Variants in TBC1D4 observed in about 807,000 individuals in gnomAD.
The protein encoded by TBC1D4 is TBC1 domain family member 4.
In TBC1D4, 121 loss-of-function variants were observed where a neutral mutation model predicts 142.5. That is an observed-to-expected ratio of 0.85 (90% confidence interval 0.73 to 0.99). TBC1D4 has a LOEUF of 0.99. Among genes scored for constraint, TBC1D4 ranks in the 50% least tolerant of loss-of-function variants. The pLI is 0.00. For synonymous variants in TBC1D4, 630 were observed against 628.2 expected (o/e 1.00, Z -0.04); for missense variants, 1,475 against 1,606.6 (o/e 0.92, Z 1.40).
chr13:75,481,216 T>TCCCCCAAA, intron 1 of TBC1D4, 54 bp downstream of exon 1: 1 of 772,284 alleles, frequency 1.3e-6, no homozygotes, highest in Non-Finnish European at 2.1e-6. Context: ...CCCGCCCTGC[T>TCCCCCAAA]CCCCGATCCC....
intron 1 of TBC1D4, among the ~76,000 whole-genome samples, chr13:75,412,196 T>C (rs1885702729): frequency 6.6e-6 from 1 of 152,210 alleles, no homozygotes; most frequent in Admixed American, 6.5e-5. Context: ...AACACACATC[T>C]GAATGATAAT....
intron 1 of TBC1D4, among the ~76,000 whole-genome samples, chr13:75,377,652 A>ATT (rs1197249440): frequency 6.7e-6 from 1 of 149,000 alleles, no homozygotes; most frequent in Non-Finnish European, 1.5e-5. Flanking sequence ...AAAAATATAT[A>ATT]TTATATATAT....
chr13:75,471,075 T>C (rs1384706250), intron 1 of TBC1D4, among the ~76,000 whole-genome samples: 1 of 151,848 alleles, frequency 6.6e-6, no homozygotes, highest in Non-Finnish European at 1.5e-5. Context: ...TCTAAAGAAG[T>C]CCTTTACTTT....
Position 75,310,106 on chromosome 13 carries a change from G to A in TBC1D4, c.2429C>T (p.Pro810Leu). ...NELLPLSPLS[P>L]TMEEEPLVVF... ...AACCAGCGGTTCCTCCTCCATGGTT[G>A]GAGAGAGGGGGGACAGTGGCAGCAG... Residue 810 changes from proline to leucine, a missense_variant, in exon 14 of 21, where the codon CCA becomes CTA. Pro to Leu is a moderately conservative substitution (Grantham distance 98). Around this residue, in one of 2 missense-constraint regions of TBC1D4, gnomAD observed 1,227 missense variants for 1,267.7 expected, o/e 0.97. Coordinates refer to ENST00000377636, the MANE Select transcript of TBC1D4 (RefSeq NM_014832.5). 1.2e-6 allele frequency: 2 copies of A among 1,614,078 alleles called. No individual in the cohort carries two copies. The highest frequency in any genetic ancestry group is 8.5e-7 in the Non-Finnish European group (1 of 1,179,994).
chr13:75,404,907 C>T (rs1885256127), intron 1 of TBC1D4, among the ~76,000 whole-genome samples: 1 of 152,200 alleles, frequency 6.6e-6, no homozygotes, highest in Non-Finnish European at 1.5e-5. Flanking sequence ...TGCCCACCAG[C>T]TGCTGCTTAT....
chr13:75,390,275 G>T (rs563280154), intron 1 of TBC1D4, among the ~76,000 whole-genome samples: 8 of 19,758 alleles, frequency 4.0e-4, no homozygotes, highest in African/African-American at 1.3e-4. Flanking sequence ...GAGAGACTCC[G>T]TCAAAAAAAA....
chr13:75,407,202 C>T (rs992518682), intron 1 of TBC1D4, among the ~76,000 whole-genome samples: 1 of 152,212 alleles, frequency 6.6e-6, no homozygotes, highest in Non-Finnish European at 1.5e-5. Context: ...GTTCAACAAA[C>T]TCAACAGCAT....
At chr13:75,459,079 C>G (rs574528963) in intron 1 of TBC1D4, among the ~76,000 whole-genome samples, 1 of 152,282 alleles carries the variant, frequency 6.6e-6, no homozygotes, top group African/African-American at 2.4e-5. Flanking sequence ...CCAGCTCACT[C>G]GTTGGCACAC....
chr13:75,458,312 C>G (rs749832212), intron 1 of TBC1D4, among the ~76,000 whole-genome samples: 2 of 152,170 alleles, frequency 1.3e-5, no homozygotes, highest in African/African-American at 4.8e-5. Context: ...GAACTCTCAA[C>G]GTTCAGATGC....
intron 1 of TBC1D4, among the ~76,000 whole-genome samples, chr13:75,398,140 A>G (rs1351161682): frequency 6.6e-6 from 1 of 152,248 alleles, no homozygotes; most frequent in Non-Finnish European, 1.5e-5. Flanking sequence ...TGGACGTTCT[A>G]GTCCTGGCAG....
chr13:75,444,588 C>T lies in TBC1D4; in HGVS notation c.498+36682G>A, dbSNP rs17064467. 4.1e-3 allele frequency among the ~76,000 whole-genome samples: 628 copies of T among 152,310 alleles called. 5 individuals are homozygous for T. The highest frequency in any genetic ancestry group is 0.014 in the African/African-American group (597 of 41,562). ...TTTCATGTCTTTTGGTGTTACTGCACACCCTGATGAAATCTGGAATCCTGG... is the reference window on the plus strand; with the variant it reads ...TTTCATGTCTTTTGGTGTTACTGCATACCCTGATGAAATCTGGAATCCTGG... On this transcript the variant is annotated intron_variant, in intron 1 of 20. Coordinates refer to ENST00000377636, the MANE Select transcript of TBC1D4 (RefSeq NM_014832.5).
chr13:75,385,340 G>C (rs1433363037), intron 1 of TBC1D4, among the ~76,000 whole-genome samples: 1 of 152,180 alleles, frequency 6.6e-6, no homozygotes, highest in Non-Finnish European at 1.5e-5. Flanking sequence ...CAAAACGTTT[G>C]TGAAGTGAAC....
intron 5 of TBC1D4, among the ~76,000 whole-genome samples, chr13:75,347,412 T>C (rs1383259066): frequency 6.6e-6 from 1 of 152,246 alleles, no homozygotes; most frequent in Non-Finnish European, 1.5e-5. Flanking sequence ...TCCTTGTTTG[T>C]TACTGATCAT....
At chr13:75,317,257 C>A (rs192477717) in intron 12 of TBC1D4, among the ~76,000 whole-genome samples, 43 of 152,264 alleles carry the variant, frequency 2.8e-4, no homozygotes, top group Admixed American at 1.4e-3. Flanking sequence ...GCTGTTGGGA[C>A]CCCCAGGATC....
rs1263599427 is a variant in TBC1D4, at chr13:75,294,981, A to G, written c.3189T>C (p.His1063=). ...GATTGTAGAGATCTCTGTGATAGTC[A>G]TGAAGGAGCCTGGACAGCTGGTACA... ...IQMYQLSRLL[H]DYHRDLYNHL... The change falls in exon 18 of 21, where the codon CAT becomes CAC. Residue 1063 remains histidine (H), a synonymous_variant. Coordinates refer to ENST00000377636, the MANE Select transcript of TBC1D4 (RefSeq NM_014832.5). The G allele has an allele frequency of 6.2e-7, 1 of 1,613,838 alleles. No homozygotes were observed. Among genetic ancestry groups the G allele is most frequent in the Non-Finnish European group, 8.5e-7 (1 of 1,179,846 alleles).
chr13:75,425,989 A>C (rs969018171), intron 1 of TBC1D4, among the ~76,000 whole-genome samples: 1 of 152,204 alleles, frequency 6.6e-6, no homozygotes, highest in African/African-American at 2.4e-5. Flanking sequence ...AAAGTTAAGA[A>C]TGTGAGGTAA....
At chr13:75,479,550 C>T (rs1888748419) in intron 1 of TBC1D4, among the ~76,000 whole-genome samples, 2 of 151,980 alleles carry the variant, frequency 1.3e-5, no homozygotes, top group African/African-American at 2.4e-5. Context: ...GGTGCCAGGA[C>T]CATCAATGAG....
intron 1 of TBC1D4, among the ~76,000 whole-genome samples, chr13:75,364,985 T>C (rs553035851): frequency 3.3e-4 from 51 of 152,342 alleles, no homozygotes; most frequent in African/African-American, 8.7e-4. Context: ...TCAACCTTAA[T>C]TGTGTCAAGT....
intron 8 of TBC1D4, among the ~76,000 whole-genome samples, chr13:75,329,413 C>T (rs1348472910): frequency 2.0e-5 from 3 of 151,106 alleles, no homozygotes; most frequent in African/African-American, 2.4e-5. Flanking sequence ...CCTCCCCTCA[C>T]GTCTCCTCTC....
Sources: gnomAD v4.1 joint callset for allele counts (sites outside exome capture counted in the v4.1 genomes callset) on GRCh38, gnomAD v4.1.1 for gene constraint, gnomAD v4.1.1 regional missense constraint, MANE v1.5 for transcripts, NCBI Gene and HGNC (gene_info 2026-07-23, HGNC 2026-07-21) for gene names.